SLIT1: variants seen among roughly 807,000 people sequenced by gnomAD.
The protein encoded by SLIT1 is slit guidance ligand 1.
In SLIT1, 66 loss-of-function variants were observed where a neutral mutation model predicts 186.1. The observed-to-expected ratio is 0.35, with a 90% confidence interval of 0.29 to 0.44. SLIT1 has a LOEUF of 0.44. Among genes scored for constraint, SLIT1 ranks in the 20% least tolerant of loss-of-function variants. The pLI, the probability that SLIT1 is intolerant of heterozygous loss-of-function variation, is 1.00. For synonymous variants in SLIT1, 761 were observed against 833.8 expected, an observed-to-expected ratio of 0.91 and a Z score of 1.50; for missense variants, 1,638 against 2,037.4, an observed-to-expected ratio of 0.80 and a Z score of 3.77.
At chr10:97,015,856 G>T (rs906055506) in intron 28 of SLIT1, among the ~76,000 whole-genome samples, 1 of 152,130 alleles carries the variant, frequency 6.6e-6, no homozygotes, top group Non-Finnish European at 1.5e-5. Context: ...GAGACGCATG[G>T]CAGAGTACTC....
chr10:97,100,824 T>C (rs1469266506), intron 4 of SLIT1, among the ~76,000 whole-genome samples: 1 of 152,192 alleles, frequency 6.6e-6, no homozygotes, highest in Non-Finnish European at 1.5e-5. Flanking sequence ...CGCCGCTGCC[T>C]CGGCCTTAGG....
In SLIT1 at chr10:97,018,964, G is replaced by A. The variant is rs538641365; in HGVS notation, c.2871+19C>T. The A allele has an allele frequency of 7.9e-5, 118 of 1,497,150 alleles. No individual in the cohort carries two copies. Among genetic ancestry groups the A allele is most frequent in the South Asian group, 5.5e-4 (48 of 87,856 alleles). The allele number at this position is 1,497,150 out of a possible 1,614,324, so 92.7% of individuals were successfully genotyped here. On this transcript the variant is annotated intron_variant, in intron 27 of 36. Coordinates refer to ENST00000266058, the MANE Select transcript of SLIT1 (RefSeq NM_003061.3). ...TACACGAAGAGCCCTCCTCCTCCCC[G>A]GCCTCTGCCTCCACTCACCTTATAG... is the stretch of plus-strand genomic sequence containing the variant.
rs765491764 is a variant in SLIT1 at position 97,002,915 on chromosome 10, G to A, written c.3943C>T (p.Arg1315Ter). 8 of 1,614,204 alleles carry A rather than the reference G, an allele frequency of 5.0e-6. No individual in the cohort carries two copies. Among genetic ancestry groups the A allele is most frequent in the African/African-American group, 4.0e-5 (3 of 75,062 alleles). The change falls in exon 35 of 37, where the codon CGA becomes TGA. Residue 1315 changes from arginine (R) to a stop codon, truncating the protein, a stop_gained. Transcript: ENST00000266058. LOFTEE classifies it high-confidence loss of function. Reference sequence around the variant, plus strand: ...AGCTCGTTGTTGATGTACAGGTTTCGGATGCAACCGTGGAAGCCGGTGCCG... The same window carrying A: ...AGCTCGTTGTTGATGTACAGGTTTCAGATGCAACCGTGGAAGCCGGTGCCG... ...LNGTGFHGCI[R>*]NLYINNELQD...
intron 4 of SLIT1, among the ~76,000 whole-genome samples, chr10:97,070,079 C>T (rs1337317009): frequency 1.3e-5 from 2 of 152,210 alleles, no homozygotes; most frequent in African/African-American, 2.4e-5. Flanking sequence ...GCTTGCCAGC[C>T]TGTGAGCCAG....
At chr10:97,060,972 C>T (rs1237709178) in intron 8 of SLIT1, among the ~76,000 whole-genome samples, 185 bp from the exon 9 acceptor site, 1 of 152,234 alleles carries the variant, frequency 6.6e-6, no homozygotes, top group Non-Finnish European at 1.5e-5. Context: ...GCCTGGCACA[C>T]AGCAGGTTCT....
At chr10:97,183,644 G>A (rs1850371588) in intron 1 of SLIT1, among the ~76,000 whole-genome samples, 1 of 152,186 alleles carries the variant, frequency 6.6e-6, no homozygotes, top group Non-Finnish European at 1.5e-5. Flanking sequence ...GATCACAAAA[G>A]AGCTAAAGAG....
intron 13 of SLIT1, among the ~76,000 whole-genome samples, chr10:97,055,396 C>T (rs553320858): frequency 2.6e-5 from 4 of 152,206 alleles, no homozygotes; most frequent in Non-Finnish European, 5.9e-5. Flanking sequence ...AGGGTCTCTC[C>T]GTTGCCCAGG....
At chr10:97,060,594 C>A in intron 9 of SLIT1, 46 bp downstream of exon 9, 2 of 1,608,760 alleles carry the variant, frequency 1.2e-6, no homozygotes, top group Non-Finnish European at 1.7e-6. Flanking sequence ...CAGAGCCAGG[C>A]CTGCCAAAGG....
At chr10:97,104,948 C>G (rs922352678) in intron 4 of SLIT1, among the ~76,000 whole-genome samples, 5 of 152,216 alleles carry the variant, frequency 3.3e-5, no homozygotes, top group Non-Finnish European at 7.3e-5. Context: ...TGTCACCACC[C>G]GTGAGATGGT....
rs923423944 is a variant in SLIT1 at position 97,056,600 on chromosome 10, C to T, written c.1158-136G>A. 7 of 905,692 alleles carry T rather than the reference C, an allele frequency of 7.7e-6. No individual in the cohort carries two copies. The Admixed American group carries it at 1.3e-4, about 16-fold the overall frequency. The allele number at this position is 905,692 out of a possible 1,614,324, so 56.1% of individuals were successfully genotyped here. On this transcript the variant is annotated intron_variant, in intron 12 of 36. Coordinates refer to ENST00000266058, the MANE Select transcript of SLIT1 (RefSeq NM_003061.3). ...CATCGGAGCAGGCCCAGGGAATCTG[C>T]CCTCTGGATGTCTGCCCCACGGAGA...
At chr10:97,056,218 G>C in intron 13 of SLIT1, 103 bp downstream of exon 13, 1 of 1,333,638 alleles carries the variant, frequency 7.5e-7, no homozygotes, top group Non-Finnish European at 1.0e-6. Flanking sequence ...CCCCCAGTGA[G>C]CACAGCAGCC....
chr10:97,074,405 C>G (rs914330525), intron 4 of SLIT1, among the ~76,000 whole-genome samples: 2 of 152,250 alleles, frequency 1.3e-5, no homozygotes, highest in Non-Finnish European at 2.9e-5. Flanking sequence ...CAGCTCCCCA[C>G]CTATGCTGCG....
intron 25 of SLIT1, among the ~76,000 whole-genome samples, chr10:97,025,639 C>T (rs1589366543): frequency 1.3e-5 from 2 of 152,162 alleles, no homozygotes; most frequent in South Asian, 2.1e-4. Flanking sequence ...AGGCAGACAC[C>T]GCAGCCAGGC....
chr10:97,173,710 A>G (rs1269196077), intron 1 of SLIT1, among the ~76,000 whole-genome samples: 1 of 151,934 alleles, frequency 6.6e-6, no homozygotes, highest in Non-Finnish European at 1.5e-5. Context: ...TGTGAGGTTG[A>G]TGGGGAAGGA....
chr10:97,058,239 G>T, intron 11 of SLIT1: 1 of 615,488 alleles, frequency 1.6e-6, no homozygotes, highest in Non-Finnish European at 3.0e-6. Flanking sequence ...AGCAGAGGGG[G>T]CAGGAACTGA....
At chr10:97,017,258 C>T (rs1479063151) in intron 28 of SLIT1, among the ~76,000 whole-genome samples, 5 of 152,150 alleles carry the variant, frequency 3.3e-5, no homozygotes, top group Non-Finnish European at 5.9e-5. Flanking sequence ...TGTAAGGACG[C>T]CGTTTCCAAG....
intron 1 of SLIT1, among the ~76,000 whole-genome samples, chr10:97,177,320 G>C (rs868235446): frequency 5.3e-5 from 8 of 152,270 alleles, no homozygotes; most frequent in African/African-American, 1.7e-4. Context: ...TCCAGGACCA[G>C]TCGCCCTTTC....
At chr10:97,136,371 CTT>C (rs1254646562) in intron 4 of SLIT1, among the ~76,000 whole-genome samples, 1 of 152,172 alleles carries the variant, frequency 6.6e-6, no homozygotes, top group Non-Finnish European at 1.5e-5. Flanking sequence ...GTTAAGGAAA[CTT>C]ATATTTCAAG....
chr10:97,037,557 G>A (rs1848651807), intron 22 of SLIT1, 141 bp downstream of exon 22: 4 of 649,838 alleles, frequency 6.2e-6, no homozygotes, highest in Non-Finnish European at 8.2e-6. Context: ...TCTAGGCACA[G>A]CTGTTCCCAG....
Sources: gnomAD v4.1 joint callset for allele counts (sites outside exome capture counted in the v4.1 genomes callset) on GRCh38, gnomAD v4.1.1 for gene constraint, MANE v1.5 for transcripts, NCBI Gene and HGNC (gene_info 2026-07-23, HGNC 2026-07-21) for gene names.